FUT8: variants seen among roughly 807,000 people sequenced by gnomAD.
FUT8 encodes the protein alpha-(1,6)-fucosyltransferase.
Under a neutral mutation model 71.3 loss-of-function variants are expected in FUT8, and 29 were observed. The ratio of observed to expected loss-of-function variants is 0.41; its 90% CI spans 0.30 to 0.55. FUT8 has a LOEUF of 0.55. FUT8 is among the 20% of genes least tolerant of loss of function. The probability of loss-of-function intolerance (pLI) is 0.34; values close to 1 mark genes in which losing one functional copy is unlikely to be tolerated. For synonymous variants in FUT8, 254 were observed against 239.3 expected, an observed-to-expected ratio of 1.06 and a Z score of -0.57; for missense variants, 544 against 702.1, an observed-to-expected ratio of 0.77 and a Z score of 2.55.
chr14:65,561,318 T>C lies in FUT8; in HGVS notation c.-227-19T>C, dbSNP rs934629230. ...ATATACCTTAAATAATTTAAATACA[T>C]TTCTTACTCTTTCCACAGCATGTAG... On this transcript the variant is annotated intron_variant, in intron 2 of 10. Transcript: ENST00000673929. The C allele has an allele frequency of 1.3e-5, 6 of 455,380 alleles. No homozygotes were observed. Among genetic ancestry groups the C allele is most frequent in the Admixed American group, 3.4e-5 (1 of 29,306 alleles). 28.2% of individuals were successfully genotyped at this position (455,380 alleles called of 1,614,324 possible). A position where few individuals can be genotyped will look rare whatever the true frequency, so the allele number is the denominator to read the frequency against.
intron 1 of FUT8, among the ~76,000 whole-genome samples, chr14:65,423,093 C>T (rs893406100): frequency 2.7e-5 from 4 of 147,400 alleles, no homozygotes; most frequent in African/African-American, 1.0e-4. Flanking sequence ...TCAAGTGATT[C>T]TTCTGCCTCA....
chr14:65,599,856 C>T (rs1005750853), intron 3 of FUT8, among the ~76,000 whole-genome samples: 4 of 152,144 alleles, frequency 2.6e-5, no homozygotes, highest in South Asian at 2.1e-4. Context: ...TTACAATAAT[C>T]GTTAATTTTA....
rs1310517416 is a variant in FUT8 at position 65,613,854 on chromosome 14, TG to T, written c.204-2123del. Reference sequence around the variant, plus strand: ...TTGGCTGGGCGCCGTGGCTCATACCTGTAATTCAGCACTTTGGGAGGTTGAG... The same window carrying T: ...TTGGCTGGGCGCCGTGGCTCATACCTTAATTCAGCACTTTGGGAGGTTGAG... On this transcript the variant is annotated intron_variant, in intron 3 of 10. Transcript: ENST00000673929. 2.0e-5 allele frequency among the ~76,000 whole-genome samples: 3 copies of T among 152,176 alleles called. No individual in the cohort carries two copies. In the East Asian group the frequency reaches 5.8e-4, roughly 29 times the overall value.
chr14:65,362,514 C>T, the FUT8 span, among the ~76,000 whole-genome samples: 1 of 151,628 alleles, frequency 6.6e-6, no homozygotes, highest in South Asian at 2.1e-4. Flanking sequence ...CCATCTCAAA[C>T]AAACAAACAA....
chr14:65,466,504 C>A (rs969654856), intron 2 of FUT8, among the ~76,000 whole-genome samples: 4 of 152,180 alleles, frequency 2.6e-5, no homozygotes, highest in African/African-American at 9.7e-5. Context: ...AATCCCAGCA[C>A]TTTGGGAGGC....
intron 3 of FUT8, among the ~76,000 whole-genome samples, chr14:65,589,864 G>T (rs1887593636): frequency 6.6e-6 from 1 of 152,096 alleles, no homozygotes; most frequent in African/African-American, 2.4e-5. Context: ...GACACAACAA[G>T]AGATTTTCAT....
rs184856777 is a variant in FUT8, at chr14:65,744,120, A to T, written c.*1710A>T. 11 of 151,952 alleles carry T rather than the reference A, an allele frequency of 7.2e-5. No homozygotes were observed. The highest frequency in any genetic ancestry group is 5.9e-4 in the Admixed American group (9 of 15,240). The allele number at this position is 151,952 out of a possible 1,614,324, so 9.4% of individuals were successfully genotyped here. ...GGTACAAATAAAAGTCATTTGAAAC[A>T]ATCTCCAACTGAGCGGAGGTAATTT... On this transcript the variant is annotated 3_prime_UTR_variant, in exon 11 of 11. Transcript: ENST00000673929.
intron 6 of FUT8, among the ~76,000 whole-genome samples, chr14:65,662,542 A>G (rs991090804): frequency 2.0e-5 from 3 of 152,222 alleles, no homozygotes; most frequent in Admixed American, 6.5e-5. Context: ...TTGTTAGCAT[A>G]TAAAGACTCG....
intron 2 of FUT8, among the ~76,000 whole-genome samples, chr14:65,538,009 G>T (rs930864759): frequency 1.3e-5 from 2 of 152,174 alleles, no homozygotes; most frequent in African/African-American, 4.8e-5. Context: ...GCTGTAGCAG[G>T]GTGTTAGTGG....
the FUT8 span, among the ~76,000 whole-genome samples, chr14:65,393,767 A>C: frequency 6.6e-6 from 1 of 152,196 alleles, no homozygotes; most frequent in East Asian, 1.9e-4. Flanking sequence ...CATCTGTATT[A>C]GTCTGTTCTC....
At chr14:65,719,844 T>C (rs1895321515) in intron 7 of FUT8, among the ~76,000 whole-genome samples, 2 of 152,162 alleles carry the variant, frequency 1.3e-5, no homozygotes, top group Admixed American at 6.5e-5. Flanking sequence ...CCTCTTGTAG[T>C]TGGGGGAGTG....
intron 1 of FUT8, among the ~76,000 whole-genome samples, chr14:65,423,423 G>C (rs991461826): frequency 7.2e-5 from 11 of 151,900 alleles, no homozygotes; most frequent in Non-Finnish European, 2.9e-5. Context: ...CACTACGCCA[G>C]GCTAATTTTT....
chr14:65,458,556 C>G (rs1372873704), intron 2 of FUT8, among the ~76,000 whole-genome samples: 3 of 152,080 alleles, frequency 2.0e-5, no homozygotes, highest in Non-Finnish European at 2.9e-5. Context: ...ATAAAAAGGT[C>G]TTGAGAAAGT....
chr14:65,579,144 A>T (rs769354682), intron 3 of FUT8, among the ~76,000 whole-genome samples: 1 of 151,930 alleles, frequency 6.6e-6, no homozygotes, highest in Non-Finnish European at 1.5e-5. Flanking sequence ...AAGCTAAGAG[A>T]CTTATTTTTC....
intron 2 of FUT8, among the ~76,000 whole-genome samples, chr14:65,506,183 G>A (rs1047531067): frequency 3.9e-5 from 6 of 152,120 alleles, no homozygotes; most frequent in South Asian, 2.1e-4. Flanking sequence ...GATTTCTTAA[G>A]GTGAATTAGA....
intron 3 of FUT8, among the ~76,000 whole-genome samples, chr14:65,585,236 A>C (rs1887317887): frequency 6.6e-6 from 1 of 152,158 alleles, no homozygotes; most frequent in Non-Finnish European, 1.5e-5. Flanking sequence ...TCTGCTGTCC[A>C]GGCTGGAATG....
intron 7 of FUT8, among the ~76,000 whole-genome samples, chr14:65,714,339 G>A (rs1308186553): frequency 6.6e-6 from 1 of 152,114 alleles, no homozygotes; most frequent in Non-Finnish European, 1.5e-5. Context: ...TTTGAAGTCA[G>A]ATAATGTGAT....
At chr14:65,651,424 G>T (rs964475140) in intron 6 of FUT8, among the ~76,000 whole-genome samples, 2 of 152,228 alleles carry the variant, frequency 1.3e-5, no homozygotes, top group Non-Finnish European at 2.9e-5. Flanking sequence ...AGTTGGCTAA[G>T]ACATGCATTG....
At chr14:65,666,702 C>G (rs528121618) in intron 6 of FUT8, among the ~76,000 whole-genome samples, 1 of 152,070 alleles carries the variant, frequency 6.6e-6, no homozygotes, top group Non-Finnish European at 1.5e-5. Context: ...ATACCAAAAC[C>G]TGGGAAAGAC....
Sources: gnomAD v4.1 joint callset for allele counts (sites outside exome capture counted in the v4.1 genomes callset) on GRCh38, gnomAD v4.1.1 for gene constraint, MANE v1.5 for transcripts, NCBI Gene and HGNC (gene_info 2026-07-23, HGNC 2026-07-21) for gene names.